The following MRTFB variants were observed in gnomAD, a reference collection of about 807,000 sequenced individuals.
The protein encoded by MRTFB is myocardin related transcription factor B, also known as myocardin-related transcription factor B.
In MRTFB, 29 loss-of-function variants were observed where a neutral mutation model predicts 104.2. That is an observed-to-expected ratio of 0.28 (90% CI 0.21 to 0.38). The LOEUF (loss-of-function observed/expected upper bound fraction) is 0.38. MRTFB is among the 10% of genes least tolerant of loss of function. MRTFB has a pLI of 1.00. For missense variants in MRTFB, 1,270 were observed against 1,341.6 expected, an observed-to-expected ratio of 0.95 and a Z score of 0.83; for synonymous variants, 535 against 519.5, an observed-to-expected ratio of 1.03 and a Z score of -0.41.
At chr16:14,155,316 C>G (rs2038788708) in intron 3 of MRTFB, among the ~76,000 whole-genome samples, 1 of 151,502 alleles carries the variant, frequency 6.6e-6, no homozygotes, top group Non-Finnish European at 1.5e-5. Context: ...TTATTTTGTT[C>G]TTTTTTTACT....
intron 6 of MRTFB, among the ~76,000 whole-genome samples, chr16:14,216,074 C>T (rs2041408942): frequency 1.3e-5 from 2 of 152,224 alleles, no homozygotes; most frequent in South Asian, 4.1e-4. Flanking sequence ...GCGGTCACAA[C>T]AGATATGAAT....
At chr16:14,091,504 A>G (rs1250288466) in intron 2 of MRTFB, among the ~76,000 whole-genome samples, 2 of 151,946 alleles carry the variant, frequency 1.3e-5, no homozygotes, top group Admixed American at 1.3e-4. Context: ...TCCCAGGGGC[A>G]CTCTTGGCCT....
At chr16:14,212,477 T>A in intron 5 of MRTFB, 68 bp downstream of exon 5, 1 of 1,430,332 alleles carries the variant, frequency 7.0e-7, no homozygotes, top group Non-Finnish European at 9.8e-7. Context: ...AATACCTGTG[T>A]ACAAGTAGCA....
chr16:14,132,363 C>T (rs1010686969), intron 2 of MRTFB, among the ~76,000 whole-genome samples: 3 of 151,510 alleles, frequency 2.0e-5, no homozygotes, highest in Non-Finnish European at 4.4e-5. Flanking sequence ...GTGATGGTTA[C>T]ATACCTTCTG....
chr16:14,196,973 T>C (rs934112204), intron 3 of MRTFB, among the ~76,000 whole-genome samples: 2 of 140,908 alleles, frequency 1.4e-5, no homozygotes, highest in African/African-American at 5.2e-5. Flanking sequence ...TCTTTTTTTT[T>C]TTTTTTTTTT....
At chr16:14,042,202 T>A in the MRTFB span, among the ~76,000 whole-genome samples, 1 of 152,034 alleles carries the variant, frequency 6.6e-6, no homozygotes, top group Non-Finnish European at 1.5e-5. Flanking sequence ...CTCAGCTCAC[T>A]GCAACTTTAG....
intron 3 of MRTFB, chr16:14,141,343 C>G (rs535188620): frequency 2.6e-5 from 4 of 152,246 alleles, no homozygotes; most frequent in African/African-American, 7.2e-5. Flanking sequence ...TCCAGAGTCT[C>G]CAGAAGACAC....
chr16:14,220,377 C>T (rs1490381105), intron 8 of MRTFB, among the ~76,000 whole-genome samples: 3 of 152,148 alleles, frequency 2.0e-5, no homozygotes, highest in Admixed American at 1.3e-4. Flanking sequence ...TTAGCATGGC[C>T]TTAACTTTTA....
chr16:14,092,338 T>C (rs28688570), intron 2 of MRTFB, among the ~76,000 whole-genome samples: 4,045 of 152,256 alleles, frequency 0.027, 195 homozygotes, highest in African/African-American at 0.092. Flanking sequence ...CAGGTGACCA[T>C]GTGCAGTAGG....
chr16:14,196,964 CTTTTTTTTTTTTTT>C (rs35259229), intron 3 of MRTFB, among the ~76,000 whole-genome samples: 1 of 103,188 alleles, frequency 9.7e-6, no homozygotes, highest in Admixed American at 1.3e-4. Flanking sequence ...TCTCTTTTTT[CTTTTTTTTTTTTTT>C]TTTTTTTTTG....
chr16:14,255,008 G>C (rs1028945631), intron 15 of MRTFB, among the ~76,000 whole-genome samples: 7 of 151,296 alleles, frequency 4.6e-5, no homozygotes, highest in African/African-American at 1.7e-4. Context: ...AACTAAAAAA[G>C]TACAGTATCT....
intron 8 of MRTFB, among the ~76,000 whole-genome samples, chr16:14,231,304 AAAT>A (rs1285943564): frequency 2.0e-5 from 3 of 152,058 alleles, no homozygotes; most frequent in East Asian, 1.9e-4. Context: ...TAAAAAATAA[AAAT>A]AAATTAAAAA....
chr16:14,232,520 C>T (rs1005228612), intron 8 of MRTFB, among the ~76,000 whole-genome samples: 1 of 152,170 alleles, frequency 6.6e-6, no homozygotes, highest in Non-Finnish European at 1.5e-5. Context: ...CCCTTCATGT[C>T]TGTTTAAAAA....
chr16:14,206,365 T>C (rs949749715), intron 3 of MRTFB, among the ~76,000 whole-genome samples: 1 of 152,248 alleles, frequency 6.6e-6, no homozygotes, highest in African/African-American at 2.4e-5. Context: ...GGTGCAGATA[T>C]CTGCTGTGAC....
the MRTFB span, among the ~76,000 whole-genome samples, chr16:14,047,615 C>T: frequency 6.6e-6 from 1 of 152,170 alleles, no homozygotes; most frequent in African/African-American, 2.4e-5. Context: ...AGGCAAAAGG[C>T]ATGTCTTACA....
the MRTFB span, among the ~76,000 whole-genome samples, chr16:14,053,632 G>A: frequency 1.8e-4 from 27 of 151,596 alleles, no homozygotes; most frequent in African/African-American, 6.1e-4. Flanking sequence ...TCAGGAGGCT[G>A]AGGCAGCAGA....
chr16:14,089,512 G>A (rs1462224063), intron 2 of MRTFB, among the ~76,000 whole-genome samples: 1 of 152,058 alleles, frequency 6.6e-6, no homozygotes, highest in East Asian at 1.9e-4. Flanking sequence ...ACTACATTTT[G>A]CTTATTTCTT....
chr16:14,100,115 A>G (rs2035620250), intron 2 of MRTFB, among the ~76,000 whole-genome samples: 1 of 152,246 alleles, frequency 6.6e-6, no homozygotes, highest in African/African-American at 2.4e-5. Flanking sequence ...TTGAACGAGC[A>G]GAACCTCTAG....
chr16:14,130,783 GA>G (rs2037399342), intron 2 of MRTFB, among the ~76,000 whole-genome samples: 1 of 149,328 alleles, frequency 6.7e-6, no homozygotes, highest in Non-Finnish European at 1.5e-5. Context: ...GAGGCCTCAG[GA>G]AACTTATACA....
Sources: gnomAD v4.1 joint callset for allele counts (sites outside exome capture counted in the v4.1 genomes callset) on GRCh38, gnomAD v4.1.1 for gene constraint, MANE v1.5 for transcripts, NCBI Gene and HGNC (gene_info 2026-07-23, HGNC 2026-07-21) for gene names.